KCNIP4: variants seen among roughly 807,000 people sequenced by gnomAD.
The protein encoded by KCNIP4 is potassium voltage-gated channel interacting protein 4, also known as Kv channel-interacting protein 4.
A neutral mutation model predicts 34.0 loss-of-function variants in KCNIP4; 12 were observed. The ratio of observed to expected loss-of-function variants is 0.35; its 90% CI spans 0.23 to 0.57. The LOEUF is 0.57. Ranked by LOEUF, KCNIP4 falls within the 20% of genes least tolerant of loss-of-function variation. KCNIP4 has a pLI of 0.83. For synonymous variants in KCNIP4, 124 were observed against 102.2 expected (o/e 1.21, Z -1.29); for missense variants, 238 against 311.7 (o/e 0.76, Z 1.78).
At chr4:21,337,113 G>A (rs80352121) in intron 1 of KCNIP4, among the ~76,000 whole-genome samples, 6,519 of 146,748 alleles carry the variant, frequency 0.044, 206 homozygotes, top group Non-Finnish European at 0.067. Flanking sequence ...AAAGGGGCAA[G>A]GATATGGAGA....
chr4:20,984,051 C>A, intron 1 of KCNIP4: 2 of 1,423,794 alleles, frequency 1.4e-6, no homozygotes, highest in Admixed American at 5.0e-5. Context: ...CAGCTCCTGG[C>A]AGATGCACCC....
rs79100266 is a variant in KCNIP4, at chr4:21,258,463, G to T, written c.62-375754C>A. Among the ~76,000 whole-genome samples the T allele has an allele frequency of 6.6e-3, 1,001 of 152,190 alleles. 11 individuals are homozygous for T. Among genetic ancestry groups the T allele is most frequent in the African/African-American group, 0.023 (944 of 41,530 alleles). On this transcript the variant is annotated intron_variant, in intron 1 of 8. Coordinates refer to ENST00000382152, the MANE Select transcript of KCNIP4 (RefSeq NM_025221.6). Reference sequence around the variant, plus strand: ...TCTTTAATTGGACACCCACTTCCAAGCTCTACCCATATTATCCAGCAATAT... The same window carrying T: ...TCTTTAATTGGACACCCACTTCCAATCTCTACCCATATTATCCAGCAATAT...
intron 1 of KCNIP4, among the ~76,000 whole-genome samples, chr4:21,812,034 A>T (rs1721688592): frequency 6.6e-6 from 1 of 152,242 alleles, no homozygotes; most frequent in South Asian, 2.1e-4. Context: ...TGCTGGATAA[A>T]TTCATACATG....
At chr4:21,811,018 A>T (rs1721619299) in intron 1 of KCNIP4, among the ~76,000 whole-genome samples, 1 of 152,206 alleles carries the variant, frequency 6.6e-6, no homozygotes, top group Non-Finnish European at 1.5e-5. Flanking sequence ...TTCCCACTTT[A>T]CTCTTACTAT....
At chr4:20,945,414 G>A (rs947706681) in intron 1 of KCNIP4, among the ~76,000 whole-genome samples, 1 of 152,124 alleles carries the variant, frequency 6.6e-6, no homozygotes, top group Non-Finnish European at 1.5e-5. Context: ...GAAATCTTCT[G>A]GGCCTTTGTT....
chr4:21,313,261 G>A (rs948152670), intron 1 of KCNIP4, among the ~76,000 whole-genome samples: 1 of 152,090 alleles, frequency 6.6e-6, no homozygotes, highest in African/African-American at 2.4e-5. Flanking sequence ...TACATATTTA[G>A]CCAGATTTCC....
intron 1 of KCNIP4, among the ~76,000 whole-genome samples, chr4:21,153,473 AT>A (rs1454287483): frequency 6.9e-6 from 1 of 145,476 alleles, no homozygotes; most frequent in Non-Finnish European, 1.5e-5. Flanking sequence ...CTCTTTATAT[AT>A]ATACATATAT....
chr4:21,294,655 G>C (rs1763735753), intron 1 of KCNIP4, among the ~76,000 whole-genome samples: 1 of 152,066 alleles, frequency 6.6e-6, no homozygotes, highest in Non-Finnish European at 1.5e-5. Context: ...CTCTATTATA[G>C]ATAATGTAAT....
chr4:21,888,449 T>G (rs975839217), intron 1 of KCNIP4, among the ~76,000 whole-genome samples: 7 of 152,096 alleles, frequency 4.6e-5, no homozygotes, highest in Non-Finnish European at 8.8e-5. Context: ...GAGTCAAAAC[T>G]TCAGGTTTGT....
At chr4:21,525,295 T>C (rs1292538619) in intron 1 of KCNIP4, among the ~76,000 whole-genome samples, 1 of 152,176 alleles carries the variant, frequency 6.6e-6, no homozygotes, top group East Asian at 1.9e-4. Context: ...TAGTCCTAAT[T>C]TCATCTCTGT....
In KCNIP4 at chr4:21,543,387, T is replaced by C. The variant is rs531008140; in HGVS notation, c.61+405184A>G. Reference sequence around the variant, plus strand: ...GATCATTCCTAATCCTAACTATTCATTTTTACACTTAGTTTTATATTTTAA... The same window carrying C: ...GATCATTCCTAATCCTAACTATTCACTTTTACACTTAGTTTTATATTTTAA... On this transcript the variant is annotated intron_variant, in intron 1 of 8. Coordinates refer to ENST00000382152, the MANE Select transcript of KCNIP4 (RefSeq NM_025221.6). Among the ~76,000 whole-genome samples the C allele has an allele frequency of 2.0e-5, 3 of 152,254 alleles. No homozygotes were observed. In the South Asian group the frequency reaches 6.2e-4, roughly 32 times the overall value.
chr4:20,909,722 C>T (rs1462607840), intron 1 of KCNIP4, among the ~76,000 whole-genome samples: 1 of 152,136 alleles, frequency 6.6e-6, no homozygotes, highest in East Asian at 1.9e-4. Context: ...TCTTTCTATT[C>T]AGGACTGGTG....
intron 1 of KCNIP4, among the ~76,000 whole-genome samples, chr4:21,080,314 A>G (rs1189822281): frequency 6.6e-6 from 1 of 151,932 alleles, no homozygotes; most frequent in Non-Finnish European, 1.5e-5. Flanking sequence ...AGTCCTTTGG[A>G]AAAGTGGGCA....
rs575246259 is a variant in KCNIP4, at chr4:21,066,302, G to A, written c.62-183593C>T. Among the ~76,000 whole-genome samples the A allele has an allele frequency of 2.6e-5, 4 of 152,188 alleles. No homozygotes were observed. The South Asian group carries it at 8.3e-4, about 32-fold the overall frequency. ...AAAATAATTCTCAGAAGAAGGCCAAGCAACATGGTCAAATAGAAGCACCCA... is the reference window on the plus strand; with the variant it reads ...AAAATAATTCTCAGAAGAAGGCCAAACAACATGGTCAAATAGAAGCACCCA... On this transcript the variant is annotated intron_variant, in intron 1 of 8. Coordinates refer to ENST00000382152, the MANE Select transcript of KCNIP4 (RefSeq NM_025221.6).
intron 1 of KCNIP4, among the ~76,000 whole-genome samples, chr4:21,939,690 G>A (rs1421109087): frequency 6.6e-6 from 1 of 152,094 alleles, no homozygotes; most frequent in African/African-American, 2.4e-5. Flanking sequence ...AGCGGACAGG[G>A]AACAGATAAC....
intron 1 of KCNIP4, among the ~76,000 whole-genome samples, chr4:21,740,012 G>C (rs990877414): frequency 1.3e-5 from 2 of 152,016 alleles, no homozygotes. Context: ...TAGTCCAAAA[G>C]GGTTTCAAAA....
chr4:21,805,362 G>A (rs4411977), intron 1 of KCNIP4, among the ~76,000 whole-genome samples: 1 of 151,706 alleles, frequency 6.6e-6, no homozygotes, highest in African/African-American at 2.4e-5. Flanking sequence ...GAATCATGGG[G>A]GCTGTTTCCC....
chr4:21,132,903 C>T (rs1173792748), intron 1 of KCNIP4, among the ~76,000 whole-genome samples: 1 of 149,308 alleles, frequency 6.7e-6, no homozygotes, highest in Non-Finnish European at 1.5e-5. Flanking sequence ...ATCCCAGCTA[C>T]TTGGGACGCT....
intron 1 of KCNIP4, among the ~76,000 whole-genome samples, chr4:21,805,523 G>C (rs1721240464): frequency 6.6e-6 from 1 of 152,080 alleles, no homozygotes; most frequent in Admixed American, 6.5e-5. Flanking sequence ...GTGGAACTGT[G>C]AGTCCATTAA....
Sources: gnomAD v4.1 joint callset for allele counts (sites outside exome capture counted in the v4.1 genomes callset) on GRCh38, gnomAD v4.1.1 for gene constraint, MANE v1.5 for transcripts, NCBI Gene and HGNC (gene_info 2026-07-23, HGNC 2026-07-21) for gene names.